PLD1: variants seen among roughly 807,000 people sequenced by gnomAD.
PLD1 encodes the protein phospholipase D1, also known as choline phosphatase 1.
In PLD1, 112 loss-of-function variants were observed where a neutral mutation model predicts 137.1. That is an observed-to-expected ratio of 0.82 (90% CI 0.70 to 0.96). The LOEUF (loss-of-function observed/expected upper bound fraction) is 0.96, where lower values mean the gene tolerates loss of function less well. Among genes scored for constraint, PLD1 ranks in the 40% least tolerant of loss-of-function variants. The pLI is 0.00. For missense variants in PLD1, 1,321 were observed against 1,342.0 expected (o/e 0.98, Z 0.24); for synonymous variants, 431 against 454.7 (o/e 0.95, Z 0.66).
At chr3:171,750,508 A>G (rs535193330) in intron 1 of PLD1, among the ~76,000 whole-genome samples, 2 of 152,336 alleles carry the variant, frequency 1.3e-5, no homozygotes, top group African/African-American at 4.8e-5. Context: ...AAAATTCATT[A>G]AATTTGGTGA....
At chr3:171,694,952 G>A (rs1257769738) in intron 12 of PLD1, among the ~76,000 whole-genome samples, 2 of 152,144 alleles carry the variant, frequency 1.3e-5, no homozygotes, top group East Asian at 3.8e-4. Context: ...GACCAATGAG[G>A]AAGCAATTAA....
At chr3:171,712,384 GGAAAAACAGTTAT>G (rs1717333453) in intron 9 of PLD1, among the ~76,000 whole-genome samples, 1 of 152,104 alleles carries the variant, frequency 6.6e-6, no homozygotes, top group African/African-American at 2.4e-5. Flanking sequence ...AAAAAGCCTC[GGAAAAACAGTTAT>G]GAGAAGACTT....
chr3:171,781,677 C>T (rs186810708), intron 1 of PLD1, among the ~76,000 whole-genome samples: 82 of 152,224 alleles, frequency 5.4e-4, no homozygotes, highest in African/African-American at 1.8e-3. Flanking sequence ...AAGAAAAACG[C>T]AATGAGGTAC....
At chr3:171,758,088 G>T (rs564551149) in intron 1 of PLD1, among the ~76,000 whole-genome samples, 1 of 152,286 alleles carries the variant, frequency 6.6e-6, no homozygotes, top group East Asian at 1.9e-4. Context: ...TGCCAGGCAT[G>T]TGGTAGATGT....
chr3:171,727,790 T>G (rs1044964785), intron 6 of PLD1, among the ~76,000 whole-genome samples: 8 of 152,178 alleles, frequency 5.3e-5, no homozygotes, highest in Non-Finnish European at 8.8e-5. Flanking sequence ...TCCATGTAAG[T>G]TTTATATGTG....
chr3:171,808,815 A>ATTTTTTTTTTTTTTTTTTT lies in PLD1; in HGVS notation c.-32+1565_-32+1583dup, dbSNP rs60146546. ...TTTTTCCTCAAAGCCTTAGCATTCA[A>ATTTTTTTTTTTTTTTTTTT]TTTTTTTTTTTTTTTTTTTTTTTTT... On this transcript the variant is annotated intron_variant, in intron 1 of 26. Transcript: ENST00000351298. Among the ~76,000 whole-genome samples, 257 of 86,224 alleles carry ATTTTTTTTTTTTTTTTTTT rather than the reference A, an allele frequency of 3.0e-3. 24 individuals are homozygous for ATTTTTTTTTTTTTTTTTTT. The highest frequency in any genetic ancestry group is 9.0e-3 in the African/African-American group (185 of 20,666). 56.6% of individuals were successfully genotyped at this position (86,224 alleles called of 152,430 possible). A position where few individuals can be genotyped will look rare whatever the true frequency, so the allele number is the denominator to read the frequency against.
At chr3:171,760,804 C>A (rs966965496) in intron 1 of PLD1, among the ~76,000 whole-genome samples, 4 of 152,170 alleles carry the variant, frequency 2.6e-5, no homozygotes, top group African/African-American at 9.7e-5. Context: ...CCACAAGGGA[C>A]CCAAGTTCCC....
chr3:171,659,223 TC>T lies in PLD1; in HGVS notation c.2418del (p.Ala808LeufsTer13), dbSNP rs1737457186. The T allele has an allele frequency of 6.2e-7, 1 of 1,610,670 alleles. No individual in the cohort carries two copies. Among genetic ancestry groups the T allele is most frequent in the Non-Finnish European group, 8.5e-7 (1 of 1,176,874 alleles). On this transcript the variant is annotated frameshift_variant, in exon 21 of 27. Coordinates refer to ENST00000351298, the MANE Select transcript of PLD1 (RefSeq NM_002662.5). LOFTEE classifies it high-confidence loss of function. ...GCCAAAGGCTGTTACCTGTGAGCTT[TC>T]AGGATCCTCTGGGCAATGGCATCGC... ...KIGDAIAQRI[L>X]KAHRENQKYR...
intron 1 of PLD1, among the ~76,000 whole-genome samples, chr3:171,800,311 C>G (rs1212118327): frequency 6.6e-6 from 1 of 152,088 alleles, no homozygotes; most frequent in African/African-American, 2.4e-5. Context: ...CTGGTTCAAG[C>G]AATTGTCCTG....
intron 19 of PLD1, among the ~76,000 whole-genome samples, chr3:171,669,601 A>G (rs935396671): frequency 2.6e-5 from 4 of 152,194 alleles, no homozygotes; most frequent in African/African-American, 9.7e-5. Flanking sequence ...GGGTTTTGCC[A>G]TATTGGCCAG....
chr3:171,633,118 C>T (rs1326802215), intron 23 of PLD1, among the ~76,000 whole-genome samples: 1 of 151,920 alleles, frequency 6.6e-6, no homozygotes, highest in Non-Finnish European at 1.5e-5. Context: ...ATGGGGACAC[C>T]CATTTATGAT....
intron 1 of PLD1, among the ~76,000 whole-genome samples, chr3:171,790,537 C>A (rs1723173797): frequency 6.6e-6 from 1 of 152,048 alleles, no homozygotes; most frequent in African/African-American, 2.4e-5. Flanking sequence ...GTTAATTTTT[C>A]AAAAAATGAG....
rs138679546 is a variant in PLD1, at chr3:171,709,331, A to G, written c.1061+229T>C. On this transcript the variant is annotated intron_variant, in intron 10 of 26. Transcript: ENST00000351298. ...TGTATGAAGTTAGCTTTAAAATTCA[A>G]ACTTCAAAATCTAAAGCTAGCTAAG... is the stretch of plus-strand genomic sequence containing the variant. Among the ~76,000 whole-genome samples the G allele has an allele frequency of 2.0e-5, 3 of 152,364 alleles. No homozygotes were observed. The East Asian group carries it at 5.8e-4, about 29-fold the overall frequency.
intron 11 of PLD1, among the ~76,000 whole-genome samples, chr3:171,704,784 A>G (rs536532944): frequency 3.9e-5 from 6 of 152,268 alleles, no homozygotes; most frequent in African/African-American, 7.2e-5. Context: ...GCAGTCCCCA[A>G]CCTTTTTGGC....
intron 1 of PLD1, among the ~76,000 whole-genome samples, chr3:171,804,301 C>T (rs1723758071): frequency 6.6e-6 from 1 of 151,558 alleles, no homozygotes; most frequent in Admixed American, 6.6e-5. Context: ...ACCCAAAATG[C>T]CACAGACTGT....
intron 1 of PLD1, among the ~76,000 whole-genome samples, chr3:171,758,019 A>G (rs1466490605): frequency 6.6e-6 from 1 of 152,222 alleles, no homozygotes; most frequent in African/African-American, 2.4e-5. Context: ...AAATAAACCA[A>G]TTAAATCTCC....
intron 1 of PLD1, among the ~76,000 whole-genome samples, chr3:171,766,053 A>C (rs1721957427): frequency 6.6e-6 from 1 of 152,170 alleles, no homozygotes; most frequent in Non-Finnish European, 1.5e-5. Flanking sequence ...TCCAAAGTAA[A>C]ATGATTCTGT....
At position 171,737,616 on chromosome 3, in the gene PLD1, C is replaced by T. The variant is rs749848894; in HGVS notation, c.204G>A (p.Lys68=). ...FSAIYNTQGF[K]EPNIQTYLSG... ...AGAGATACGTCTGTATATTAGGCTC[C>T]TTAAATCCTTGAGTGTTATAAATAG... is the stretch of plus-strand genomic sequence containing the variant. Residue 68 remains lysine (K), a synonymous_variant, in exon 3 of 27, where the codon AAG becomes AAA. Transcript: ENST00000351298. The T allele has an allele frequency of 6.3e-7, 1 of 1,599,804 alleles. No individual in the cohort carries two copies. Among genetic ancestry groups the T allele is most frequent in the South Asian group, 1.1e-5 (1 of 90,186 alleles).
chr3:171,656,111 A>T (rs879374930), intron 21 of PLD1, among the ~76,000 whole-genome samples: 1 of 151,680 alleles, frequency 6.6e-6, no homozygotes. Context: ...GAAATGTTCT[A>T]TCAGAAAATA....
Sources: allele counts gnomAD v4.1 joint callset (sites outside exome capture counted in the v4.1 genomes callset), GRCh38; gene constraint gnomAD v4.1.1; transcripts MANE v1.5; gene names NCBI Gene and HGNC (gene_info 2026-07-23, HGNC 2026-07-21).